The following TMEM165 variants were observed in gnomAD, a reference collection of about 807,000 sequenced individuals.
TMEM165 encodes transmembrane protein 165, also known as putative divalent cation/proton antiporter TMEM165.
TMEM165 carries 19 observed loss-of-function variants against 30.0 expected under a neutral mutation model. The ratio of observed to expected loss-of-function variants is 0.63; its 90% CI spans 0.44 to 0.93. The LOEUF (loss-of-function observed/expected upper bound fraction) is 0.93, where lower values mean the gene tolerates loss of function less well. Ranked by LOEUF, TMEM165 falls within the 40% of genes least tolerant of loss-of-function variation. The pLI is 0.00. For missense variants in TMEM165, 340 were observed against 417.0 expected, an observed-to-expected ratio of 0.82 and a Z score of 1.61; for synonymous variants, 168 against 162.9, an observed-to-expected ratio of 1.03 and a Z score of -0.24.
intron 1 of TMEM165, 103 bp from the exon 2 acceptor site, chr4:55,411,511 G>T: frequency 9.8e-7 from 1 of 1,016,886 alleles, no homozygotes; most frequent in Non-Finnish European, 1.5e-6. Flanking sequence ...TAAGTGTAAT[G>T]ACCATGACAA....
At chr4:55,403,432 T>G (rs1247643043) in intron 1 of TMEM165, 8 of 551,498 alleles carry the variant, frequency 1.5e-5, no homozygotes, top group African/African-American at 2.2e-5. Context: ...TTCTTTTTCT[T>G]CCTTCTCTTG....
chr4:55,442,198 TATA>T (rs1723425572), intron 3 of TMEM165: 1 of 521,714 alleles, frequency 1.9e-6, no homozygotes, highest in South Asian at 2.3e-5. Flanking sequence ...ATTTGTATTC[TATA>T]ATATTTTGTA....
chr4:55,441,319 G>C (rs149712312), intron 3 of TMEM165, among the ~76,000 whole-genome samples: 2 of 152,290 alleles, frequency 1.3e-5, no homozygotes, highest in African/African-American at 4.8e-5. Flanking sequence ...TGGTGGGAAC[G>C]TGAGATTTCT....
chr4:55,414,750 A>G (rs577751023), intron 2 of TMEM165, among the ~76,000 whole-genome samples: 19 of 152,230 alleles, frequency 1.2e-4, no homozygotes, highest in Non-Finnish European at 2.2e-4. Flanking sequence ...TCTGACATCA[A>G]CCTTTTTGGG....
chr4:55,402,426 T>C (rs1490053042), intron 1 of TMEM165, among the ~76,000 whole-genome samples: 2 of 45,856 alleles, frequency 4.4e-5, no homozygotes, highest in East Asian at 7.2e-4. Context: ...TATATATATA[T>C]ATATATATTT....
At chr4:55,420,380 A>G (rs1249807990) in intron 4 of TMEM165, among the ~76,000 whole-genome samples, 1 of 151,378 alleles carries the variant, frequency 6.6e-6, no homozygotes, top group Non-Finnish European at 1.5e-5. Context: ...CTCCCTACCT[A>G]CGAGACACCC....
intron 2 of TMEM165, among the ~76,000 whole-genome samples, chr4:55,413,745 A>G (rs1314730867): frequency 1.3e-5 from 2 of 152,240 alleles, no homozygotes; most frequent in African/African-American, 4.8e-5. Context: ...TTAACATTTT[A>G]TCCCATTTGT....
chr4:55,410,194 C>T (rs538247493), intron 1 of TMEM165, among the ~76,000 whole-genome samples: 48 of 152,290 alleles, frequency 3.2e-4, no homozygotes, highest in Non-Finnish European at 5.3e-4. Context: ...CAGTAACTTG[C>T]CATCCCTGGT....
At chr4:55,427,369 A>G (rs113229775), downstream of TMEM165, among the ~76,000 whole-genome samples, 342 of 33,044 alleles carry the variant, frequency 0.01, 2 homozygotes, top group Admixed American at 0.028. Context: ...GAGACAATCT[A>G]TCTCACTCTG....
intron 3 of TMEM165, among the ~76,000 whole-genome samples, chr4:55,451,503 T>C (rs558337001): frequency 1.1e-4 from 16 of 152,208 alleles, no homozygotes; most frequent in African/African-American, 3.9e-4. Flanking sequence ...TTTGAAACCA[T>C]CCACACATTG....
At chr4:55,416,451 T>C (rs1316759930) in intron 2 of TMEM165, among the ~76,000 whole-genome samples, 2 of 152,236 alleles carry the variant, frequency 1.3e-5, no homozygotes, top group Admixed American at 6.5e-5. Flanking sequence ...CACAGATGTC[T>C]TTCCTTATCA....
intron 5 of TMEM165, among the ~76,000 whole-genome samples, chr4:55,425,000 G>C (rs951979627): frequency 5.9e-5 from 9 of 152,190 alleles, no homozygotes; most frequent in African/African-American, 1.7e-4. Flanking sequence ...AATATGTCCT[G>C]TGAAGCCACA....
At chr4:55,443,574 T>C (rs1723545972) in intron 3 of TMEM165, 1 of 826,194 alleles carries the variant, frequency 1.2e-6, no homozygotes, top group Non-Finnish European at 2.0e-6. Flanking sequence ...ACTTTCTAAA[T>C]ACTATTAAAT....
At chr4:55,438,337 G>C in intron 3 of TMEM165, 1 of 1,614,050 alleles carries the variant, frequency 6.2e-7, no homozygotes, top group Non-Finnish European at 8.5e-7. Flanking sequence ...TTGCTGAACT[G>C]AAGTGAGCTG....
chr4:55,440,740 G>A (rs1723301813), intron 3 of TMEM165, among the ~76,000 whole-genome samples: 1 of 152,170 alleles, frequency 6.6e-6, no homozygotes, highest in African/African-American at 2.4e-5. Flanking sequence ...ACTGGTAAAT[G>A]TGATAAGAAT....
chr4:55,438,714 A>T (rs1370886802), intron 3 of TMEM165, among the ~76,000 whole-genome samples: 1 of 152,222 alleles, frequency 6.6e-6, no homozygotes, highest in East Asian at 1.9e-4. Flanking sequence ...TGTAACAGTA[A>T]AACAAAAAAT....
intron 2 of TMEM165, chr4:55,412,716 C>T (rs1277866471): frequency 6.6e-6 from 1 of 152,014 alleles, no homozygotes; most frequent in Non-Finnish European, 1.5e-5. Flanking sequence ...TCCACCCCCA[C>T]TGCTTCACTT....
intron 4 of TMEM165, among the ~76,000 whole-genome samples, chr4:55,420,536 C>T (rs900408579): frequency 3.9e-5 from 6 of 152,128 alleles, no homozygotes; most frequent in African/African-American, 1.4e-4. Flanking sequence ...ATAACACACG[C>T]AGGGTATCTA....
At chr4:55,432,210 T>C (rs1043836147) in intron 3 of TMEM165, 1 of 152,104 alleles carries the variant, frequency 6.6e-6, no homozygotes, top group African/African-American at 2.4e-5. Context: ...TTCTCCAATA[T>C]TTTCCATTCA....
Sources: allele counts gnomAD v4.1 joint callset (sites outside exome capture counted in the v4.1 genomes callset), GRCh38; gene constraint gnomAD v4.1.1; transcripts MANE v1.5; gene names NCBI Gene and HGNC (gene_info 2026-07-23, HGNC 2026-07-21).